SRRM2: variants seen among roughly 807,000 people sequenced by gnomAD.
SRRM2 encodes the protein serine/arginine repetitive matrix protein 2.
SRRM2 carries 30 observed loss-of-function variants against 213.8 expected under a neutral mutation model. The ratio of observed to expected loss-of-function variants is 0.14; its 90% CI spans 0.10 to 0.19. The LOEUF (loss-of-function observed/expected upper bound fraction) is 0.19. Ranked by LOEUF, SRRM2 falls within the 10% of genes least tolerant of loss-of-function variation. The pLI is 1.00. For synonymous variants in SRRM2, 2,025 were observed against 1,377.7 expected (o/e 1.47, Z -10.40); for missense variants, 4,904 against 3,647.0 (o/e 1.34, Z -8.88).
At chr16:2,755,054 C>A (rs139381721) in intron 1 of SRRM2, among the ~76,000 whole-genome samples, 1 of 152,190 alleles carries the variant, frequency 6.6e-6, no homozygotes, top group African/African-American at 2.4e-5. Context: ...TTACTCTCTC[C>A]GCTTTACGTA....
rs769503937 is a variant in SRRM2 at position 2,769,168 on chromosome 16, T to G, written c.7905T>G (p.Ser2635=). The change falls in exon 12 of 15, where the codon TCT becomes TCG. Residue 2635 remains serine (S), a synonymous_variant. Coordinates refer to ENST00000301740, the MANE Select transcript of SRRM2 (RefSeq NM_016333.4). ...SSSSSSSSSS[S]SSSSSSSSSS... is the part of the protein sequence containing the mutation. ...CTTCCTCCTCCTCTTCCTCTTCTTC[T>G]TCTTCCTCCTCATCTTCCTCCTCCT... 3.7e-6 allele frequency: 6 copies of G among 1,612,050 alleles called. No individual in the cohort carries two copies. In the South Asian group the frequency reaches 5.5e-5, roughly 15 times the overall value.
At chr16:2,757,720 T>G (rs2068196576) in intron 3 of SRRM2, 61 bp from the exon 4 acceptor site, 2 of 1,593,874 alleles carry the variant, frequency 1.3e-6, no homozygotes, top group Non-Finnish European at 1.7e-6. Context: ...CTTATACTTG[T>G]GTTCTGAATA....
chr16:2,757,483 A>G lies in SRRM2; in HGVS notation c.254A>G (p.Gln85Arg), dbSNP rs1374542955. 16 of 1,614,144 alleles carry G rather than the reference A, an allele frequency of 9.9e-6. No individual in the cohort carries two copies. The highest frequency in any genetic ancestry group is 2.2e-5 in the East Asian group (1 of 44,884). Reference protein sequence around the residue: ...EMMEEQGYEEQQIQEKVATFR... With the variant: ...EMMEEQGYEERQIQEKVATFR... ...GATTTGTTCTTCAGGTACGAGGAACAGCAAATTCAGGAAAAAGTGGCGACC... is the reference window on the plus strand; with the variant it reads ...GATTTGTTCTTCAGGTACGAGGAACGGCAAATTCAGGAAAAAGTGGCGACC... Residue 85 changes from glutamine (Q) to arginine (R), a missense_variant, in exon 3 of 15, where the codon CAG becomes CGG. Physicochemically the swap from Gln to Arg is conservative, Grantham distance 43 (BLOSUM62 1). Coordinates refer to ENST00000301740, the MANE Select transcript of SRRM2 (RefSeq NM_016333.4).
intron 12 of SRRM2, 41 bp downstream of exon 12, chr16:2,769,325 G>T: frequency 6.5e-7 from 1 of 1,528,244 alleles, no homozygotes; most frequent in South Asian, 1.3e-5. Context: ...GGGTGGGGGA[G>T]TGACTTGTCC....
At chr16:2,759,858 T>C (rs890292302) in intron 9 of SRRM2, 197 bp downstream of exon 9, 1 of 580,338 alleles carries the variant, frequency 1.7e-6, no homozygotes, top group Non-Finnish European at 3.0e-6. Flanking sequence ...TTTTTTGTTT[T>C]TGTTTATTTG....
intron 3 of SRRM2, 72 bp downstream of exon 3, chr16:2,757,651 C>T: frequency 2.5e-6 from 4 of 1,582,572 alleles, no homozygotes; most frequent in Non-Finnish European, 3.4e-6. Context: ...TGTCCTTTTC[C>T]TTACGTGGGA....
At chr16:2,756,292 T>C in intron 1 of SRRM2, 42 bp from the exon 2 acceptor site, 1 of 1,463,520 alleles carries the variant, frequency 6.8e-7, no homozygotes, top group Non-Finnish European at 9.0e-7. Context: ...GTGGTTAGTT[T>C]GGGGCCAGGG....
In SRRM2 at chr16:2,761,729, C is replaced by G. The variant is rs770362991; in HGVS notation, c.1201C>G (p.Arg401Gly). ...VNPPSEASPT[R>G]DRSPPKSPEK... is the part of the protein sequence containing the mutation. ...CCCCCCATCTGAGGCCTCTCCAACT[C>G]GGGACCGTTCACCACCTAAGTCTCC... Residue 401 changes from arginine to glycine, a missense_variant, in exon 11 of 15, where the codon CGG becomes GGG. Coordinates refer to ENST00000301740, the MANE Select transcript of SRRM2 (RefSeq NM_016333.4). The G allele has an allele frequency of 1.9e-6, 3 of 1,610,112 alleles. No homozygotes were observed. The highest frequency in any genetic ancestry group is 2.5e-6 in the Non-Finnish European group (3 of 1,177,854).
chr16:2,765,636 T>C lies in SRRM2; in HGVS notation c.5108T>C (p.Leu1703Pro), dbSNP rs769426030. The C allele has an allele frequency of 8.1e-6, 13 of 1,614,040 alleles. No individual in the cohort carries two copies. Among genetic ancestry groups the C allele is most frequent in the South Asian group, 1.1e-5 (1 of 91,082 alleles). The change falls in exon 11 of 15, where the codon CTG becomes CCG. Residue 1703 changes from leucine to proline, a missense_variant. Leu to Pro is a moderately conservative substitution (Grantham distance 98). Transcript: ENST00000301740. ...SSPELTRKARLSRRSRSASSS... is the reference protein window; with the variant it reads ...SSPELTRKARPSRRSRSASSS... The stretch of plus-strand genomic sequence containing the variant: ...CCGGAGCTAACAAGGAAGGCCAGAC[T>C]GTCCCGTAGAAGCCGCTCTGCCTCA...
At chr16:2,769,345 GC>G in intron 12 of SRRM2, 61 bp downstream of exon 12, 1 of 1,511,486 alleles carries the variant, frequency 6.6e-7, no homozygotes, top group Non-Finnish European at 8.8e-7. Flanking sequence ...CAGAGAAGGG[GC>G]CCTGGGGTGT....
chr16:2,768,063 C>G lies in SRRM2; in HGVS notation c.7535C>G (p.Ser2512Cys). ...TCTGATGTGGGGGAGCCACCTGCCT[C>G]TACTGGGGCCCAGCAGCCTTCTGCA... is the stretch of plus-strand genomic sequence containing the variant. The part of the protein sequence containing the change: ...PHSDVGEPPA[S>C]TGAQQPSALA... The change falls in exon 11 of 15, where the codon TCT becomes TGT. Residue 2512 changes from serine to cysteine, a missense_variant. Ser to Cys is a moderately radical substitution (Grantham distance 112). Coordinates refer to ENST00000301740, the MANE Select transcript of SRRM2 (RefSeq NM_016333.4). 6.2e-7 allele frequency: 1 copy of G among 1,614,174 alleles called. No individual in the cohort carries two copies. The highest frequency in any genetic ancestry group is 8.5e-7 in the Non-Finnish European group (1 of 1,180,006).
Position 2,763,534 on chromosome 16 carries a change from A to C in SRRM2, c.3006A>C (p.Gln1002His), listed in dbSNP as rs146807383. ...SISPYPKVKA[Q>H]TPPGPSLSGS... The stretch of plus-strand genomic sequence containing the variant: ...CACCATACCCCAAAGTAAAGGCCCA[A>C]ACTCCACCGGGGCCAAGTCTTTCTG... Residue 1002 changes from glutamine to histidine, a missense_variant, in exon 11 of 15, where the codon CAA becomes CAC. Physicochemically the swap from Gln to His is conservative, Grantham distance 24. Transcript: ENST00000301740. The C allele has an allele frequency of 1.2e-6, 2 of 1,614,046 alleles. No homozygotes were observed. The highest frequency in any genetic ancestry group is 2.7e-5 in the African/African-American group (2 of 74,922).
In SRRM2 at chr16:2,767,128, T is replaced by C; in HGVS notation, c.6600T>C (p.Ser2200=). The C allele has an allele frequency of 6.2e-7, 1 of 1,614,214 alleles. No individual in the cohort carries two copies. The highest frequency in any genetic ancestry group is 8.5e-7 in the Non-Finnish European group (1 of 1,180,030). Residue 2200 remains serine (S), a synonymous_variant, in exon 11 of 15, where the codon TCT becomes TCC. Coordinates refer to ENST00000301740, the MANE Select transcript of SRRM2 (RefSeq NM_016333.4). ...CCGCTCGGCCTCCTCCGTCCATGTC[T>C]GCTGCTGGCCTTGCTGCAAGAATGT... ...LGTARPPPSM[S]AAGLAARMSQ... is the part of the protein sequence containing the mutation.
chr16:2,769,453 G>A, intron 12 of SRRM2, 169 bp downstream of exon 12: 1 of 798,454 alleles, frequency 1.3e-6, no homozygotes, highest in Non-Finnish European at 2.0e-6. Flanking sequence ...ACCCTGTTCT[G>A]GCGAAGGGCT....
In SRRM2 at chr16:2,766,701, C is replaced by G. The variant is rs745557493; in HGVS notation, c.6173C>G (p.Thr2058Ser). 1 of 1,614,252 alleles carries G rather than the reference C, an allele frequency of 6.2e-7. No homozygotes were observed. Among genetic ancestry groups the G allele is most frequent in the Non-Finnish European group, 8.5e-7 (1 of 1,180,056 alleles). Reference sequence around the variant, plus strand: ...ATCCGCCGCCGCTCCAGATCCCGTACTCCACGAACAGCTCGGGGTAAACGG... The same window carrying G: ...ATCCGCCGCCGCTCCAGATCCCGTAGTCCACGAACAGCTCGGGGTAAACGG... ...LAIRRRSRSR[T>S]PRTARGKRSL... is the part of the protein sequence containing the mutation. The change falls in exon 11 of 15, where the codon ACT becomes AGT. Residue 2058 changes from threonine to serine, a missense_variant. Transcript: ENST00000301740. The surrounding 1 kb of genome is among the most constrained non-coding windows in gnomAD (Gnocchi z 7.0).
chr16:2,757,460 T>A lies in SRRM2; in HGVS notation c.243-12T>A. On this transcript the variant is annotated splice_polypyrimidine_tract_variant and intron_variant, in intron 2 of 14. Coordinates refer to ENST00000301740, the MANE Select transcript of SRRM2 (RefSeq NM_016333.4). ...CCTGTCGAGCTTAACCCTGAAGGGA[T>A]TTGTTCTTCAGGTACGAGGAACAGC... 6.2e-7 allele frequency: 1 copy of A among 1,611,118 alleles called. No individual in the cohort carries two copies. Among genetic ancestry groups the A allele is most frequent in the Non-Finnish European group, 8.5e-7 (1 of 1,177,494 alleles).
rs772165509 is a variant in SRRM2 at position 2,757,868 on chromosome 16, A to G, written c.438A>G (p.Val146=). 29 of 1,614,090 alleles carry G rather than the reference A, an allele frequency of 1.8e-5. No homozygotes were observed. The highest frequency in any genetic ancestry group is 2.2e-5 in the Non-Finnish European group (26 of 1,180,034). The change falls in exon 4 of 15, where the codon GTA becomes GTG. Residue 146 remains valine (V), a synonymous_variant. Coordinates refer to ENST00000301740, the MANE Select transcript of SRRM2 (RefSeq NM_016333.4). ...RAAFGISDSY[V]DGSSFDPQRR... ...CCTTTGGCATCAGTGATTCTTACGT[A>G]GATGGCAGCTCTTTTGATCCTCAGC...
In SRRM2 at chr16:2,765,664, C is replaced by T. The variant is rs2068514451; in HGVS notation, c.5136C>T (p.Ser1712=). 7 of 1,614,178 alleles carry T rather than the reference C, an allele frequency of 4.3e-6. No homozygotes were observed. Among genetic ancestry groups the T allele is most frequent in the Non-Finnish European group, 5.9e-6 (7 of 1,180,026 alleles). Residue 1712 remains serine, a synonymous_variant, in exon 11 of 15, where the codon TCC becomes TCT. Transcript: ENST00000301740. ...RLSRRSRSAS[S]SPETRSRTPP... ...CCCGTAGAAGCCGCTCTGCCTCATC[C>T]TCACCAGAAACTCGCTCTAGAACTC...
intron 10 of SRRM2, among the ~76,000 whole-genome samples, chr16:2,761,354 T>C (rs1028152492): frequency 7.2e-5 from 11 of 152,262 alleles, no homozygotes; most frequent in African/African-American, 2.7e-4. Flanking sequence ...GTGTTTCTTT[T>C]AGTTTTAAGA....
Sources: allele counts gnomAD v4.1 joint callset (sites outside exome capture counted in the v4.1 genomes callset), GRCh38; gene constraint gnomAD v4.1.1; non-coding constraint Gnocchi (gnomAD v3.1); transcripts MANE v1.5; gene names NCBI Gene and HGNC (gene_info 2026-07-23, HGNC 2026-07-21).